SPOCK1: variants seen among roughly 807,000 people sequenced by gnomAD.
SPOCK1 encodes SPARC (osteonectin), cwcv and kazal like domains proteoglycan 1.
A neutral mutation model predicts 55.3 loss-of-function variants in SPOCK1; 23 were observed. The ratio of observed to expected loss-of-function variants is 0.42; its 90% CI spans 0.30 to 0.59. SPOCK1 has a LOEUF of 0.59. Among genes scored for constraint, SPOCK1 ranks in the 20% least tolerant of loss-of-function variants. The pLI, the probability that SPOCK1 is intolerant of heterozygous loss-of-function variation, is 0.22. For missense variants in SPOCK1, 499 were observed against 552.5 expected (o/e 0.90, Z 0.97); for synonymous variants, 226 against 221.0 (o/e 1.02, Z -0.20).
At chr5:137,327,831 A>G (rs1267953971) in intron 2 of SPOCK1, among the ~76,000 whole-genome samples, 1 of 152,176 alleles carries the variant, frequency 6.6e-6, no homozygotes, top group Non-Finnish European at 1.5e-5. Flanking sequence ...AGGCATGCCC[A>G]TTTGTCTGTT....
At chr5:137,193,979 A>ATGATTG (rs1353128843) in intron 3 of SPOCK1, among the ~76,000 whole-genome samples, 2,225 of 152,148 alleles carry the variant, frequency 0.015, 63 homozygotes, top group African/African-American at 0.051. Flanking sequence ...CATGTAGGTA[A>ATGATTG]CCTATCAGGC....
chr5:137,084,899 C>T (rs1580742451), intron 5 of SPOCK1, among the ~76,000 whole-genome samples: 1 of 120,484 alleles, frequency 8.3e-6, no homozygotes, highest in Non-Finnish European at 1.7e-5. Flanking sequence ...TCTAAGGAAG[C>T]AAAGCACTTG....
chr5:137,108,967 C>G (rs2127030173), intron 5 of SPOCK1, among the ~76,000 whole-genome samples: 1 of 152,298 alleles, frequency 6.6e-6, no homozygotes, highest in South Asian at 2.1e-4. Flanking sequence ...GAGCTATTTC[C>G]CGGGCAACTG....
At chr5:137,339,983 T>C (rs955578056) in intron 2 of SPOCK1, among the ~76,000 whole-genome samples, 12 of 152,170 alleles carry the variant, frequency 7.9e-5, no homozygotes, top group African/African-American at 2.9e-4. Context: ...TCTGACTTCC[T>C]AGTCTTCTCA....
At chr5:137,013,468 C>T (rs1409453356) in intron 6 of SPOCK1, among the ~76,000 whole-genome samples, 3 of 152,198 alleles carry the variant, frequency 2.0e-5, no homozygotes, top group Non-Finnish European at 2.9e-5. Flanking sequence ...CCTGGAGGTT[C>T]CCCAATTTAT....
chr5:137,054,829 T>C (rs1715541036), intron 6 of SPOCK1, among the ~76,000 whole-genome samples: 3 of 152,196 alleles, frequency 2.0e-5, no homozygotes. Context: ...GTGGTGACCA[T>C]ACATTCGACA....
At chr5:137,070,709 T>C (rs558596701) in intron 5 of SPOCK1, among the ~76,000 whole-genome samples, 1 of 152,326 alleles carries the variant, frequency 6.6e-6, no homozygotes, top group South Asian at 2.1e-4. Context: ...GCCTGCCTGC[T>C]CACCCCAGCC....
At chr5:136,984,880 G>A (rs957342909) in intron 9 of SPOCK1, among the ~76,000 whole-genome samples, 1 of 152,184 alleles carries the variant, frequency 6.6e-6, no homozygotes, top group Admixed American at 6.5e-5. Flanking sequence ...TAAGATCAGG[G>A]AGGAGTTAGC....
chr5:137,080,945 T>C (rs1301514480), intron 5 of SPOCK1, among the ~76,000 whole-genome samples: 2 of 152,152 alleles, frequency 1.3e-5, no homozygotes, highest in African/African-American at 4.8e-5. Flanking sequence ...ATGGCCTCTT[T>C]TGCAACTTCA....
chr5:137,388,002 G>A (rs539425610), intron 2 of SPOCK1, among the ~76,000 whole-genome samples: 2 of 151,884 alleles, frequency 1.3e-5, no homozygotes, highest in Admixed American at 6.5e-5. Flanking sequence ...AGAAGGGACA[G>A]TGCTGAGAAT....
chr5:137,443,090 C>T (rs774049178), intron 2 of SPOCK1, among the ~76,000 whole-genome samples: 1 of 152,038 alleles, frequency 6.6e-6, no homozygotes, highest in African/African-American at 2.4e-5. Context: ...TGGAAAAGAA[C>T]ATGGGCTTTG....
At chr5:137,411,747 C>T (rs996656145) in intron 2 of SPOCK1, among the ~76,000 whole-genome samples, 1 of 152,176 alleles carries the variant, frequency 6.6e-6, no homozygotes, top group African/African-American at 2.4e-5. Context: ...AGGCTCCCAT[C>T]CTGCAAATGA....
chr5:137,205,984 T>C (rs1215850534), intron 3 of SPOCK1, among the ~76,000 whole-genome samples: 2 of 152,160 alleles, frequency 1.3e-5, no homozygotes, highest in Non-Finnish European at 1.5e-5. Context: ...CAAGGTCAAA[T>C]ATCTACAATG....
chr5:137,008,227 A>T (rs1046375512), intron 6 of SPOCK1, among the ~76,000 whole-genome samples: 6 of 151,794 alleles, frequency 4.0e-5, no homozygotes, highest in African/African-American at 1.2e-4. Flanking sequence ...ACCATGGCAC[A>T]TGTATACCTG....
intron 2 of SPOCK1, among the ~76,000 whole-genome samples, chr5:137,331,993 C>T (rs1758193959): frequency 6.6e-6 from 1 of 152,206 alleles, no homozygotes; most frequent in Non-Finnish European, 1.5e-5. Flanking sequence ...ACCCAGATCA[C>T]ATCGCTCCCC....
intron 2 of SPOCK1, 37 bp from the exon 3 acceptor site, chr5:137,267,092 T>G: frequency 6.4e-7 from 1 of 1,557,652 alleles, no homozygotes; most frequent in Non-Finnish European, 8.8e-7. Flanking sequence ...AGGTCAGAGT[T>G]CAAAAAGCTT....
intron 6 of SPOCK1, among the ~76,000 whole-genome samples, chr5:137,012,969 A>G (rs1299750825): frequency 6.6e-6 from 1 of 152,254 alleles, no homozygotes; most frequent in African/African-American, 2.4e-5. Context: ...TTAAGTGAAA[A>G]AAAGCAGCTT....
At chr5:137,006,186 G>A (rs1382533081) in intron 6 of SPOCK1, among the ~76,000 whole-genome samples, 6 of 152,096 alleles carry the variant, frequency 3.9e-5, no homozygotes, top group Admixed American at 1.3e-4. Context: ...TTGGCTATAC[G>A]GGCTCTTTTT....
At chr5:137,294,790 A>C (rs1757446390) in intron 2 of SPOCK1, among the ~76,000 whole-genome samples, 1 of 152,226 alleles carries the variant, frequency 6.6e-6, no homozygotes, top group Non-Finnish European at 1.5e-5. Context: ...TTTCAGGCAC[A>C]TTCTTGCCTC....
Sources: allele counts gnomAD v4.1 joint callset (sites outside exome capture counted in the v4.1 genomes callset), GRCh38; gene constraint gnomAD v4.1.1; transcripts MANE v1.5; gene names NCBI Gene and HGNC (gene_info 2026-07-23, HGNC 2026-07-21).